Variants in ZDHHC11 observed in about 807,000 individuals in gnomAD.
ZDHHC11 encodes the protein palmitoyltransferase ZDHHC11.
A neutral mutation model predicts 51.3 loss-of-function variants in ZDHHC11; 44 were observed. That is an observed-to-expected ratio of 0.86 (90% CI 0.67 to 1.10). The LOEUF (loss-of-function observed/expected upper bound fraction) is 1.10, where lower values mean the gene tolerates loss of function less well. ZDHHC11 is among the 50% of genes least tolerant of loss of function. The probability of loss-of-function intolerance (pLI) is 0.00; values close to 1 mark genes in which losing one functional copy is unlikely to be tolerated. For missense variants in ZDHHC11, 400 were observed against 537.7 expected (o/e 0.74, Z 2.53); for synonymous variants, 163 against 222.0 (o/e 0.73, Z 2.36).
At chr5:843,197 G>A (rs752975584) in intron 4 of ZDHHC11, 274 of 374,356 alleles carry the variant, frequency 7.3e-4, no homozygotes, top group South Asian at 2.0e-3. Flanking sequence ...CACCCTCAGC[G>A]CTGCCTCCAC....
chr5:798,339 C>T (rs1409801487), intron 12 of ZDHHC11, among the ~76,000 whole-genome samples: 1 of 151,062 alleles, frequency 6.6e-6, no homozygotes, highest in African/African-American at 2.4e-5. Flanking sequence ...CTGAGAATTC[C>T]TTATGTCTCC....
In ZDHHC11 at chr5:799,240, AG is replaced by A. The variant is rs1738062091; in HGVS notation, c.*7+1859del. Reference sequence around the variant, plus strand: ...AACCCATGAGACCTTGTTGTCGAAAAGGGCCTGGAGCCTCCCCCAGCCCTTC... The same window carrying A: ...AACCCATGAGACCTTGTTGTCGAAAAGGCCTGGAGCCTCCCCCAGCCCTTC... On this transcript the variant is annotated intron_variant, in intron 12 of 12. Coordinates refer to ENST00000283441, the MANE Select transcript of ZDHHC11 (RefSeq NM_024786.3). Among the ~76,000 whole-genome samples the A allele has an allele frequency of 1.3e-5, 2 of 151,356 alleles. 1 individual carries two copies. Among genetic ancestry groups the A allele is most frequent in the Non-Finnish European group, 3.0e-5 (2 of 67,730 alleles).
chr5:838,604 G>C (rs2150384072), intron 5 of ZDHHC11, among the ~76,000 whole-genome samples: 1 of 152,196 alleles, frequency 6.6e-6, no homozygotes, highest in South Asian at 2.1e-4. Context: ...CTGGGTCACG[G>C]GGGTGGGGAC....
At chr5:851,353 G>A (rs1000767242), upstream of ZDHHC11, among the ~76,000 whole-genome samples, 1 of 152,000 alleles carries the variant, frequency 6.6e-6, no homozygotes, top group Admixed American at 6.6e-5. Context: ...CGGCAGGGGT[G>A]GGAGGGACGT....
chr5:809,014 C>CACACA (rs1554050773), intron 11 of ZDHHC11, among the ~76,000 whole-genome samples: 29 of 138,942 alleles, frequency 2.1e-4, no homozygotes, highest in Non-Finnish European at 3.3e-4. Flanking sequence ...CACACACACA[C>CACACA]GCACACTATT....
At chr5:834,916 T>C (rs383556) in intron 6 of ZDHHC11, among the ~76,000 whole-genome samples, 8,911 of 117,764 alleles carry the variant, frequency 0.076, 291 homozygotes, top group Non-Finnish European at 0.082. Flanking sequence ...CTGACATGTT[T>C]ACTTTATTGT....
intron 3 of ZDHHC11, among the ~76,000 whole-genome samples, chr5:846,125 C>T (rs1485371846): frequency 2.5e-4 from 37 of 150,524 alleles, no homozygotes; most frequent in Admixed American, 7.2e-4. Flanking sequence ...TGGGTCTCCC[C>T]GGCCCCTACC....
intron 6 of ZDHHC11, among the ~76,000 whole-genome samples, chr5:834,326 C>A (rs2150368888): frequency 6.6e-6 from 1 of 152,422 alleles, no homozygotes; most frequent in African/African-American, 2.4e-5. Flanking sequence ...TTGTTCAAAT[C>A]TTTTGCCCAT....
At chr5:855,402 A>G (rs1371472262), upstream of ZDHHC11, among the ~76,000 whole-genome samples, 1 of 146,488 alleles carries the variant, frequency 6.8e-6, no homozygotes, top group African/African-American at 2.6e-5. Flanking sequence ...CACAGAGGAC[A>G]GCGAGCCAGG....
At chr5:849,405 TGGA>T (rs1746798651) in intron 1 of ZDHHC11, among the ~76,000 whole-genome samples, 1 of 152,110 alleles carries the variant, frequency 6.6e-6, no homozygotes, top group African/African-American at 2.4e-5. Context: ...CCAAAGGCCC[TGGA>T]GGAGCCTGGG....
At chr5:834,496 AG>A (rs1743523393) in intron 6 of ZDHHC11, among the ~76,000 whole-genome samples, 1 of 151,704 alleles carries the variant, frequency 6.6e-6, no homozygotes, top group African/African-American at 2.4e-5. Context: ...TGAAAAACTG[AG>A]TTTTCTGTTT....
intron 12 of ZDHHC11, among the ~76,000 whole-genome samples, chr5:799,496 C>T (rs1357010791): frequency 6.6e-6 from 1 of 151,630 alleles, no homozygotes; most frequent in Non-Finnish European, 1.5e-5. Flanking sequence ...CACTGTTAGT[C>T]ACTGTTGCTC....
upstream of ZDHHC11, among the ~76,000 whole-genome samples, chr5:858,996 G>A (rs1448982990): frequency 6.6e-6 from 1 of 152,050 alleles, no homozygotes; most frequent in African/African-American, 2.4e-5. Context: ...GGCTGCCCTG[G>A]TCGACACGGT....
At chr5:857,182 TG>T in intron 1 of ZDHHC11, among the ~76,000 whole-genome samples, 1 of 152,220 alleles carries the variant, frequency 6.6e-6, no homozygotes, top group Non-Finnish European at 1.5e-5. Flanking sequence ...TAAGGCTGGA[TG>T]GGCCCCCCTG....
intron 6 of ZDHHC11, among the ~76,000 whole-genome samples, chr5:835,295 C>T (rs1743673074): frequency 6.6e-6 from 1 of 151,580 alleles, no homozygotes; most frequent in African/African-American, 2.4e-5. Context: ...TCTAGTACCA[C>T]TTGTTGAACT....
intron 5 of ZDHHC11, among the ~76,000 whole-genome samples, chr5:838,831 C>G (rs1458078173): frequency 1.3e-5 from 2 of 149,712 alleles, no homozygotes; most frequent in African/African-American, 5.0e-5. Flanking sequence ...TTCTCTGCAG[C>G]ACAAGGGCCT....
In ZDHHC11 at chr5:824,194, C is replaced by G. The variant is rs1741965415; in HGVS notation, c.1023+970G>C. The G allele has an allele frequency of 1.4e-5, 6 of 415,622 alleles. No individual in the cohort carries two copies. The Admixed American group carries it at 1.6e-4, about 11-fold the overall frequency. The allele number at this position is 415,622 out of a possible 1,614,324, so 25.7% of individuals were successfully genotyped here. ...CAGCCTGCGGCCTGGCGTGGTGGCTCACGCCTCTAATCCCTGTGCTATTAG... is the reference window on the plus strand; with the variant it reads ...CAGCCTGCGGCCTGGCGTGGTGGCTGACGCCTCTAATCCCTGTGCTATTAG... On this transcript the variant is annotated intron_variant, in intron 8 of 12. Coordinates refer to ENST00000283441, the MANE Select transcript of ZDHHC11 (RefSeq NM_024786.3).
intron 11 of ZDHHC11, among the ~76,000 whole-genome samples, chr5:806,240 G>C (rs1267577695): frequency 6.6e-6 from 1 of 151,196 alleles, no homozygotes; most frequent in Admixed American, 6.6e-5. Context: ...CCCAGAAATA[G>C]ACTCAAATAT....
At chr5:797,485 T>C (rs1477241679) in intron 12 of ZDHHC11, among the ~76,000 whole-genome samples, 1 of 151,484 alleles carries the variant, frequency 6.6e-6, no homozygotes. Context: ...TTTGCGTTTC[T>C]GTCACTTTGT....
Sources: gnomAD v4.1 joint callset for allele counts (sites outside exome capture counted in the v4.1 genomes callset) on GRCh38, gnomAD v4.1.1 for gene constraint, MANE v1.5 for transcripts, NCBI Gene and HGNC (gene_info 2026-07-23, HGNC 2026-07-21) for gene names.